RNLS: variants seen among roughly 807,000 people sequenced by gnomAD.
The protein encoded by RNLS is renalase, FAD dependent amine oxidase.
RNLS carries 39 observed loss-of-function variants against 39.8 expected under a neutral mutation model. That is an observed-to-expected ratio of 0.98 (90% CI 0.76 to 1.28). The LOEUF is 1.28. RNLS is among the 50% of genes most tolerant of loss of function. RNLS has a pLI of 0.00. For missense variants in RNLS, 410 were observed against 413.3 expected (o/e 0.99, Z 0.07); for synonymous variants, 147 against 150.7 (o/e 0.98, Z 0.18).
chr10:88,299,283 ATTTATCAGTTTC>A (rs1844328310), intron 6 of RNLS, among the ~76,000 whole-genome samples: 1 of 152,100 alleles, frequency 6.6e-6, no homozygotes, highest in African/African-American at 2.4e-5. Flanking sequence ...ATTAAGCTCA[ATTTATCAGTTTC>A]TTTCTGTATG....
chr10:88,278,810 C>G (rs1422069623), intron 6 of RNLS, among the ~76,000 whole-genome samples: 1 of 152,094 alleles, frequency 6.6e-6, no homozygotes, highest in African/African-American at 2.4e-5. Context: ...GTAATTATTG[C>G]CTCTGTTAAG....
intron 4 of RNLS, among the ~76,000 whole-genome samples, chr10:88,519,739 T>C (rs1846614049): frequency 1.3e-5 from 2 of 150,388 alleles, no homozygotes; most frequent in Admixed American, 1.3e-4. Context: ...ATATCACATA[T>C]ATATGATATA....
At chr10:88,314,871 T>C (rs553126631) in intron 5 of RNLS, among the ~76,000 whole-genome samples, 112 of 152,332 alleles carry the variant, frequency 7.4e-4, no homozygotes, top group Non-Finnish European at 1.1e-3. Flanking sequence ...TTGTCAGATA[T>C]TGCTAAAGAA....
chr10:88,520,422 G>A (rs1350333475), intron 4 of RNLS, among the ~76,000 whole-genome samples: 1 of 152,020 alleles, frequency 6.6e-6, no homozygotes, highest in Non-Finnish European at 1.5e-5. Context: ...TCTTCTGGCA[G>A]GTCAGTTTCA....
chr10:88,401,097 C>T (rs991457632), intron 4 of RNLS, among the ~76,000 whole-genome samples: 2 of 151,868 alleles, frequency 1.3e-5, no homozygotes, highest in African/African-American at 2.4e-5. Flanking sequence ...ACCCCTTTTA[C>T]CATAACCTTA....
the RNLS span, among the ~76,000 whole-genome samples, chr10:88,201,090 C>A: frequency 3.3e-5 from 5 of 150,804 alleles, no homozygotes; most frequent in Non-Finnish European, 5.9e-5. Flanking sequence ...CAATCAGCTT[C>A]TTGTCTGGGT....
chr10:88,244,614 C>T, the RNLS span, among the ~76,000 whole-genome samples: 1 of 151,902 alleles, frequency 6.6e-6, no homozygotes, highest in Non-Finnish European at 1.5e-5. Flanking sequence ...ATGTATAAAC[C>T]CTGCTGTATC....
chr10:88,310,801 CAAAAAAAAAAAAAA>C (rs577838661), intron 6 of RNLS, among the ~76,000 whole-genome samples: 3 of 19,586 alleles, frequency 1.5e-4, no homozygotes, highest in African/African-American at 4.0e-4. Context: ...CTACCTCTGC[CAAAAAAAAAAAAAA>C]AAAAAAAAAA....
downstream of RNLS, chr10:88,284,101 G>A (rs912685207): frequency 1.0e-6 from 1 of 974,766 alleles, no homozygotes; most frequent in African/African-American, 1.8e-5. Context: ...TTAACCACAT[G>A]TTGGCATTTA....
chr10:88,433,541 C>A lies in RNLS; in HGVS notation c.527-70816G>T, dbSNP rs192868048. On this transcript the variant is annotated intron_variant, in intron 4 of 6. Coordinates refer to ENST00000331772, the MANE Select transcript of RNLS (RefSeq NM_001031709.3). The stretch of plus-strand genomic sequence containing the variant: ...ATATTTTGATTGGAGTTAAAAGAGG[C>A]AATTTTACTAAAAATTATCTATAAT... Among the ~76,000 whole-genome samples, 727 of 152,050 alleles carry A rather than the reference C, an allele frequency of 4.8e-3. 4 individuals carry two copies. Among genetic ancestry groups the A allele is most frequent in the Non-Finnish European group, 7.1e-3 (484 of 67,944 alleles).
intron 5 of RNLS, among the ~76,000 whole-genome samples, chr10:88,334,920 T>C (rs144895373): frequency 6.8e-4 from 104 of 152,322 alleles, no homozygotes; most frequent in Admixed American, 6.1e-3. Flanking sequence ...AAAACTGCTA[T>C]CTTATAAGCC....
At chr10:88,277,534 T>C (rs1366267728) in intron 6 of RNLS, among the ~76,000 whole-genome samples, 2 of 152,216 alleles carry the variant, frequency 1.3e-5, no homozygotes, top group Non-Finnish European at 2.9e-5. Flanking sequence ...ACATTATATA[T>C]AAGATACATT....
the RNLS span, among the ~76,000 whole-genome samples, chr10:88,230,233 G>GCAAA: frequency 1.3e-5 from 2 of 152,212 alleles, no homozygotes; most frequent in African/African-American, 2.4e-5. Flanking sequence ...ACAAAAACAA[G>GCAAA]CAAACAAACA....
In RNLS at chr10:88,314,617, A is replaced by G. The variant is rs770978433; in HGVS notation, c.725T>C (p.Leu242Pro). 6.2e-7 allele frequency: 1 copy of G among 1,613,568 alleles called. No homozygotes were observed. Among genetic ancestry groups the G allele is most frequent in the East Asian group, 2.2e-5 (1 of 44,860 alleles). ...AAATGGGACAGTGGTGTGAATCACG[A>G]GGGAAGGCCCAATTTCTGATGACTC... Reference protein sequence around the residue: ...NIESSEIGPSLVIHTTVPFGV... With the variant: ...NIESSEIGPSPVIHTTVPFGV... The change falls in exon 6 of 7, where the codon CTC (leucine) becomes CCC (proline). Residue 242 changes from leucine to proline, a missense_variant. Physicochemically the swap from Leu to Pro is moderately conservative, Grantham distance 98. Coordinates refer to ENST00000331772, the MANE Select transcript of RNLS (RefSeq NM_001031709.3).
intron 4 of RNLS, among the ~76,000 whole-genome samples, chr10:88,495,544 T>C (rs1845119401): frequency 6.6e-6 from 1 of 152,136 alleles, no homozygotes; most frequent in African/African-American, 2.4e-5. Context: ...CAAAGTAATC[T>C]CCATTTAAGT....
intron 3 of RNLS, among the ~76,000 whole-genome samples, chr10:88,577,243 C>T (rs1237806047): frequency 6.6e-6 from 1 of 152,098 alleles, no homozygotes; most frequent in Non-Finnish European, 1.5e-5. Context: ...TCTACTGACA[C>T]GTAGCACCAG....
the RNLS span, among the ~76,000 whole-genome samples, chr10:88,196,291 C>A: frequency 6.6e-6 from 1 of 152,202 alleles, no homozygotes; most frequent in Admixed American, 6.5e-5. Flanking sequence ...GTGTTTTATT[C>A]ATAGGCAAAG....
intron 4 of RNLS, among the ~76,000 whole-genome samples, chr10:88,542,085 A>G (rs1346703207): frequency 2.0e-5 from 3 of 152,106 alleles, no homozygotes; most frequent in Non-Finnish European, 4.4e-5. Context: ...CTGTTTAATT[A>G]TATCTCTTGT....
chr10:88,458,840 G>C (rs1238186126), intron 4 of RNLS, among the ~76,000 whole-genome samples: 2 of 152,086 alleles, frequency 1.3e-5, no homozygotes, highest in Admixed American at 1.3e-4. Context: ...TTTTAGATGT[G>C]AACCTCTAGC....
Sources: allele counts gnomAD v4.1 joint callset (sites outside exome capture counted in the v4.1 genomes callset), GRCh38; gene constraint gnomAD v4.1.1; transcripts MANE v1.5; gene names NCBI Gene and HGNC (gene_info 2026-07-23, HGNC 2026-07-21).